INPP4B: variants seen among roughly 807,000 people sequenced by gnomAD.
INPP4B encodes inositol polyphosphate 4-phosphatase type II.
A neutral mutation model predicts 122.5 loss-of-function variants in INPP4B; 55 were observed. The observed-to-expected ratio is 0.45, with a 90% CI of 0.36 to 0.56. INPP4B has a LOEUF of 0.56. INPP4B is among the 20% of genes least tolerant of loss of function. The pLI is 0.00. For missense variants in INPP4B, 1,000 were observed against 1,097.7 expected (o/e 0.91, Z 1.26); for synonymous variants, 403 against 388.7 (o/e 1.04, Z -0.43).
At chr4:142,713,789 G>A (rs113135790) in intron 2 of INPP4B, among the ~76,000 whole-genome samples, 4 of 152,098 alleles carry the variant, frequency 2.6e-5, no homozygotes, top group Non-Finnish European at 4.4e-5. Context: ...TACATCCTGG[G>A]GGTTTTAAGA....
intron 12 of INPP4B, among the ~76,000 whole-genome samples, chr4:142,232,031 T>C (rs1854603379): frequency 1.3e-5 from 2 of 152,162 alleles, no homozygotes; most frequent in South Asian, 2.1e-4. Flanking sequence ...ATGAGTGCTT[T>C]TGTATTACAA....
chr4:142,404,139 T>C (rs1490303747), intron 6 of INPP4B, among the ~76,000 whole-genome samples: 1 of 152,236 alleles, frequency 6.6e-6, no homozygotes. Context: ...AATTCAACTA[T>C]AGCATTAACT....
chr4:142,270,971 C>CT (rs1187129558), intron 9 of INPP4B, among the ~76,000 whole-genome samples, 197 bp from the exon 10 acceptor site: 10 of 148,608 alleles, frequency 6.7e-5, no homozygotes, highest in Non-Finnish European at 9.0e-5. Flanking sequence ...TTTCTTTTTT[C>CT]TTTTTTTTTG....
intron 1 of INPP4B, among the ~76,000 whole-genome samples, chr4:142,757,584 C>A (rs1770685498): frequency 6.6e-6 from 1 of 152,118 alleles, no homozygotes; most frequent in Non-Finnish European, 1.5e-5. Flanking sequence ...TTTATTTAAG[C>A]TTCCTCCGTG....
intron 2 of INPP4B, among the ~76,000 whole-genome samples, chr4:142,571,098 A>AG (rs976831203): frequency 2.0e-5 from 3 of 151,018 alleles, no homozygotes; most frequent in Admixed American, 6.6e-5. Context: ...TCAAAAAAAA[A>AG]AAAAAAAAAA....
At chr4:142,453,720 C>T (rs1429850344) in intron 3 of INPP4B, among the ~76,000 whole-genome samples, 1 of 152,096 alleles carries the variant, frequency 6.6e-6, no homozygotes, top group Non-Finnish European at 1.5e-5. Context: ...CCTTACTCTT[C>T]AATATATACA....
intron 2 of INPP4B, among the ~76,000 whole-genome samples, chr4:142,691,173 G>A (rs1188032181): frequency 4.6e-5 from 7 of 151,884 alleles, no homozygotes; most frequent in African/African-American, 1.7e-4. Context: ...CTCTTTAGTT[G>A]CAACTATCAC....
At chr4:142,822,138 TG>T (rs1462092576) in intron 1 of INPP4B, among the ~76,000 whole-genome samples, 1 of 152,144 alleles carries the variant, frequency 6.6e-6, no homozygotes, top group Non-Finnish European at 1.5e-5. Context: ...CTCAAGTGGC[TG>T]GGAAGTTTGG....
At chr4:142,488,945 A>G (rs1436128373) in intron 2 of INPP4B, among the ~76,000 whole-genome samples, 1 of 152,054 alleles carries the variant, frequency 6.6e-6, no homozygotes, top group Non-Finnish European at 1.5e-5. Flanking sequence ...GTGAAAACTT[A>G]GTTAACTAAT....
chr4:142,071,478 G>T (rs1335551085), intron 25 of INPP4B, among the ~76,000 whole-genome samples: 11 of 151,974 alleles, frequency 7.2e-5, no homozygotes, highest in Admixed American at 3.3e-4. Flanking sequence ...AAGCCAAAAT[G>T]GACAAATGGG....
intron 14 of INPP4B, among the ~76,000 whole-genome samples, chr4:142,195,522 T>C (rs909575893): frequency 2.6e-5 from 4 of 152,214 alleles, no homozygotes; most frequent in Non-Finnish European, 4.4e-5. Flanking sequence ...ATTGTGGTGA[T>C]AGTTTCATGC....
At chr4:142,761,089 C>T (rs1771266634) in intron 1 of INPP4B, among the ~76,000 whole-genome samples, 1 of 151,980 alleles carries the variant, frequency 6.6e-6, no homozygotes, top group African/African-American at 2.4e-5. Context: ...TGGCCCAGGA[C>T]GTAGCATCCA....
intron 2 of INPP4B, among the ~76,000 whole-genome samples, chr4:142,561,177 G>A (rs1047840530): frequency 3.9e-5 from 6 of 151,902 alleles, no homozygotes; most frequent in Admixed American, 1.3e-4. Context: ...TATTCAATGT[G>A]GTAGAAGACC....
At position 142,132,268 on chromosome 4, in the gene INPP4B, GT is replaced by G. The variant is rs574278730; in HGVS notation, c.1721-7509del. Among the ~76,000 whole-genome samples the G allele has an allele frequency of 6.6e-4, 97 of 147,150 alleles. 1 individual carries two copies. The South Asian group carries it at 9.3e-3, about 14-fold the overall frequency. Reference sequence around the variant, plus strand: ...TTTGTAGAGAATAAGATTGGAGAAGGTTTTTTTTTTTCTTGGAGAGAGCAGA... The same window carrying G: ...TTTGTAGAGAATAAGATTGGAGAAGGTTTTTTTTTTCTTGGAGAGAGCAGA... On this transcript the variant is annotated intron_variant, in intron 18 of 25. Transcript: ENST00000262992.
At chr4:142,507,899 A>G (rs1824221794) in intron 2 of INPP4B, among the ~76,000 whole-genome samples, 1 of 152,176 alleles carries the variant, frequency 6.6e-6, no homozygotes, top group African/African-American at 2.4e-5. Flanking sequence ...TTATGTAAGT[A>G]TTATCATAAC....
At chr4:142,445,402 C>T (rs1010407256) in intron 3 of INPP4B, among the ~76,000 whole-genome samples, 3 of 152,058 alleles carry the variant, frequency 2.0e-5, no homozygotes, top group African/African-American at 2.4e-5. Flanking sequence ...AAGAACAAAA[C>T]GTCAAGAAAA....
At chr4:142,587,275 G>C (rs1284625384) in intron 2 of INPP4B, among the ~76,000 whole-genome samples, 1 of 151,944 alleles carries the variant, frequency 6.6e-6, no homozygotes, top group Non-Finnish European at 1.5e-5. Flanking sequence ...TTATATCACT[G>C]GTTTCCATAA....
Position 142,480,483 on chromosome 4 carries a change from G to A in INPP4B, c.-190-17757C>T, listed in dbSNP as rs186959974. On this transcript the variant is annotated intron_variant, in intron 2 of 25. Coordinates refer to ENST00000262992, the MANE Select transcript of INPP4B (RefSeq NM_001101669.3). ...AATGAGTACTTTACAGGCCATGTCTGTAAGTGTCTCATTACTCAACTGGGT... is the reference window on the plus strand; with the variant it reads ...AATGAGTACTTTACAGGCCATGTCTATAAGTGTCTCATTACTCAACTGGGT... Among the ~76,000 whole-genome samples the A allele has an allele frequency of 3.5e-3, 533 of 152,272 alleles. 2 individuals are homozygous for A. The highest frequency in any genetic ancestry group is 0.012 in the African/African-American group (514 of 41,566).
intron 7 of INPP4B, among the ~76,000 whole-genome samples, chr4:142,337,993 A>G (rs1777424015): frequency 6.7e-6 from 1 of 148,728 alleles, no homozygotes; most frequent in Admixed American, 6.7e-5. Flanking sequence ...TAATATCATT[A>G]TACCAATTTT....
Sources: gnomAD v4.1 joint callset for allele counts (sites outside exome capture counted in the v4.1 genomes callset) on GRCh38, gnomAD v4.1.1 for gene constraint, MANE v1.5 for transcripts, NCBI Gene and HGNC (gene_info 2026-07-23, HGNC 2026-07-21) for gene names.